GKAP1: variants seen among roughly 807,000 people sequenced by gnomAD.
GKAP1 encodes the protein G kinase anchoring protein 1.
In GKAP1, 31 loss-of-function variants were observed where a neutral mutation model predicts 56.7. That is an observed-to-expected ratio of 0.55 (90% CI 0.41 to 0.74). The LOEUF (loss-of-function observed/expected upper bound fraction) is 0.74, where lower values mean the gene tolerates loss of function less well. Among genes scored for constraint, GKAP1 ranks in the 30% least tolerant of loss-of-function variants. The pLI is 0.00. For synonymous variants in GKAP1, 151 were observed against 138.6 expected (o/e 1.09, Z -0.63); for missense variants, 364 against 402.3 (o/e 0.90, Z 0.82).
At chr9:83,789,226 T>A (rs1944114912) in intron 4 of GKAP1, 1 of 152,228 alleles carries the variant, frequency 6.6e-6, no homozygotes, top group Non-Finnish European at 1.5e-5. Context: ...TTGCTTTAAG[T>A]CATCTAATAA....
At chr9:83,789,200 A>G (rs1944114335) in intron 4 of GKAP1, 1 of 152,216 alleles carries the variant, frequency 6.6e-6, no homozygotes, top group Non-Finnish European at 1.5e-5. Flanking sequence ...TACTCTCAAA[A>G]TGATAAACTA....
chr9:83,799,059 C>T, intron 4 of GKAP1, 126 bp downstream of exon 4: 1 of 760,708 alleles, frequency 1.3e-6, no homozygotes. Context: ...TTAAAAGCAA[C>T]AAATATGAAT....
At chr9:83,756,513 T>G (rs1347500984) in intron 8 of GKAP1, among the ~76,000 whole-genome samples, 2 of 107,740 alleles carry the variant, frequency 1.9e-5, no homozygotes, top group African/African-American at 5.7e-5. Context: ...CAAAAAGAAT[T>G]AATGTCCTGA....
In GKAP1 at chr9:83,805,245, T is replaced by C. The variant is rs375843845; in HGVS notation, c.216+1057A>G. Among the ~76,000 whole-genome samples, 5 of 152,244 alleles carry C rather than the reference T, an allele frequency of 3.3e-5. No homozygotes were observed. In the South Asian group the frequency reaches 1.0e-3, roughly 32 times the overall value. On this transcript the variant is annotated intron_variant, in intron 3 of 12. Coordinates refer to ENST00000376371, the MANE Select transcript of GKAP1 (RefSeq NM_025211.4). ...ATTAAGGGCGGTGCAAGATGTGCTT[T>C]GTTAAACAGATGCTTGAAGGCAGCA...
intron 3 of GKAP1, among the ~76,000 whole-genome samples, chr9:83,805,569 T>C (rs1433367849): frequency 1.3e-5 from 2 of 152,112 alleles, no homozygotes; most frequent in Non-Finnish European, 2.9e-5. Context: ...AAACTGCTCA[T>C]GGTTAATTTT....
chr9:83,745,756 A>T (rs1277170848), intron 10 of GKAP1, among the ~76,000 whole-genome samples: 5 of 152,112 alleles, frequency 3.3e-5, no homozygotes, highest in African/African-American at 9.6e-5. Flanking sequence ...TAATCTCAGG[A>T]TGTAGACATC....
chr9:83,812,733 T>C (rs1195054048), intron 2 of GKAP1, among the ~76,000 whole-genome samples: 2 of 152,000 alleles, frequency 1.3e-5, no homozygotes, highest in Non-Finnish European at 2.9e-5. Context: ...TTAAGCATAA[T>C]GTAATCAATA....
chr9:83,813,416 T>G (rs1195860555), intron 2 of GKAP1, among the ~76,000 whole-genome samples: 2 of 152,198 alleles, frequency 1.3e-5, no homozygotes, highest in African/African-American at 4.8e-5. Flanking sequence ...TAATGATTAT[T>G]TTATTTATAT....
At chr9:83,815,672 T>C (rs1294420219) in intron 2 of GKAP1, among the ~76,000 whole-genome samples, 6 of 152,178 alleles carry the variant, frequency 3.9e-5, no homozygotes. Context: ...ATAGCCATCT[T>C]CTATTAACAC....
At chr9:83,761,660 C>T (rs1943573462) in intron 8 of GKAP1, among the ~76,000 whole-genome samples, 2 of 138,690 alleles carry the variant, frequency 1.4e-5, no homozygotes, top group Non-Finnish European at 3.2e-5. Flanking sequence ...TGCAAAAAAT[C>T]CACAAAAAAT....
At chr9:83,778,546 G>C (rs1943899928) in intron 7 of GKAP1, among the ~76,000 whole-genome samples, 1 of 151,994 alleles carries the variant, frequency 6.6e-6, no homozygotes, top group African/African-American at 2.4e-5. Flanking sequence ...CTTACCAGAG[G>C]GTGAAGGGTG....
chr9:83,791,359 C>T (rs548054404), intron 4 of GKAP1, among the ~76,000 whole-genome samples: 7 of 151,498 alleles, frequency 4.6e-5, no homozygotes, highest in East Asian at 1.9e-4. Flanking sequence ...GCCGACATCA[C>T]GCCACTGCAC....
Position 83,767,796 on chromosome 9 carries a change from C to T in GKAP1, c.738+1022G>A, listed in dbSNP as rs912746915. Among the ~76,000 whole-genome samples the T allele has an allele frequency of 4.6e-5, 7 of 152,328 alleles. No homozygotes were observed. The South Asian group carries it at 6.2e-4, about 14-fold the overall frequency. On this transcript the variant is annotated intron_variant, in intron 8 of 12. Coordinates refer to ENST00000376371, the MANE Select transcript of GKAP1 (RefSeq NM_025211.4). ...CCACCTCCTGGGTTCAAGCAATTCT[C>T]GTGTCTCAGCCTACCACGTAGCTGA... is the stretch of plus-strand genomic sequence containing the variant.
rs555216496 is a variant in GKAP1 at position 83,793,038 on chromosome 9, C to T, written c.361-4360G>A. 9.5e-6 allele frequency: 12 copies of T among 1,258,576 alleles called. No individual in the cohort carries two copies. The South Asian group carries it at 1.4e-4, about 15-fold the overall frequency. The allele number at this position is 1,258,576 out of a possible 1,614,324, so 78.0% of individuals were successfully genotyped here. On this transcript the variant is annotated intron_variant, in intron 4 of 12. Coordinates refer to ENST00000376371, the MANE Select transcript of GKAP1 (RefSeq NM_025211.4). ...CCCATCTAGTAGTAAAACATTTTTT[C>T]TTCTATTTAAGCAAACCTATAGCTC...
In GKAP1 at chr9:83,817,107, G is replaced by A. The variant is rs1200437892; in HGVS notation, c.-155C>T. The stretch of plus-strand genomic sequence containing the variant: ...TTGCGCTGGGCGAAACCTAACTCGG[G>A]CAGAGAAGCGGCTTCAAAACCTGAA... On this transcript the variant is annotated 5_prime_UTR_variant, in exon 2 of 13. Transcript: ENST00000376371. 24 of 151,304 alleles carry A rather than the reference G, an allele frequency of 1.6e-4. No individual in the cohort carries two copies. The highest frequency in any genetic ancestry group is 1.6e-3 in the Admixed American group (24 of 15,218). The allele number at this position is 151,304 out of a possible 1,614,324, so 9.4% of individuals were successfully genotyped here. A position where few individuals can be genotyped will look rare whatever the true frequency, so the allele number is the denominator to read the frequency against.
chr9:83,797,751 G>A (rs1320618545), intron 4 of GKAP1, among the ~76,000 whole-genome samples: 1 of 152,210 alleles, frequency 6.6e-6, no homozygotes, highest in Non-Finnish European at 1.5e-5. Context: ...AGATATCTGT[G>A]ATCAAGTTCC....
Position 83,742,548 on chromosome 9 carries a change from C to T in GKAP1, c.957G>A (p.Lys319=). The stretch of plus-strand genomic sequence containing the variant: ...TCCTTACCTGAATAGTGAGCTCATT[C>T]TTGATACTTTGTGATTCATCAACTT... ...LLQVDESQSI[K]NELTIQVTSL... The change falls in exon 11 of 13, where the codon AAG becomes AAA. Residue 319 remains lysine (K), a synonymous_variant. Transcript: ENST00000376371. 6.2e-7 allele frequency: 1 copy of T among 1,612,232 alleles called. No individual in the cohort carries two copies.
intron 11 of GKAP1, 144 bp from the exon 12 acceptor site, chr9:83,742,173 G>A (rs1943219666): frequency 9.1e-6 from 6 of 655,892 alleles, no homozygotes; most frequent in Non-Finnish European, 1.6e-5. Context: ...ATTTGGTATT[G>A]TACACAGCTC....
At chr9:83,811,391 G>A (rs1944503934) in intron 2 of GKAP1, among the ~76,000 whole-genome samples, 1 of 152,172 alleles carries the variant, frequency 6.6e-6, no homozygotes, top group Non-Finnish European at 1.5e-5. Context: ...CTATCTACCA[G>A]AAACCCAAGA....
Sources: allele counts gnomAD v4.1 joint callset (sites outside exome capture counted in the v4.1 genomes callset), GRCh38; gene constraint gnomAD v4.1.1; transcripts MANE v1.5; gene names NCBI Gene and HGNC (gene_info 2026-07-23, HGNC 2026-07-21).